Variants in CCDC13 observed in about 807,000 individuals in gnomAD.
CCDC13 encodes the protein coiled-coil domain containing 13.
CCDC13 carries 70 observed loss-of-function variants against 87.3 expected under a neutral mutation model. The ratio of observed to expected loss-of-function variants is 0.80; its 90% confidence interval spans 0.66 to 0.98. CCDC13 has a LOEUF of 0.98. Ranked by LOEUF, CCDC13 falls within the 50% of genes least tolerant of loss-of-function variation. The pLI, the probability that CCDC13 is intolerant of heterozygous loss-of-function variation, is 0.00. For synonymous variants in CCDC13, 317 were observed against 360.3 expected, an observed-to-expected ratio of 0.88 and a Z score of 1.36; for missense variants, 842 against 892.0, an observed-to-expected ratio of 0.94 and a Z score of 0.71.
rs772881595 is a variant in CCDC13, at chr3:42,707,390, T to G, written c.*1590A>C. 1.5e-4 allele frequency among the ~76,000 whole-genome samples: 23 copies of G among 152,144 alleles called. No individual in the cohort carries two copies. Among genetic ancestry groups the G allele is most frequent in the Non-Finnish European group, 3.2e-4 (22 of 68,026 alleles). ...GAATCATCAGTTCATCCCGGTGGCC[T>G]TTGCTCTAACTTGCTGTGGGATCTC... On this transcript the variant is annotated 3_prime_UTR_variant, in exon 16 of 16. Coordinates refer to ENST00000310232, the MANE Select transcript of CCDC13 (RefSeq NM_144719.4).
intron 13 of CCDC13, among the ~76,000 whole-genome samples, chr3:42,717,524 T>C (rs1698461332): frequency 6.6e-6 from 1 of 152,058 alleles, no homozygotes; most frequent in African/African-American, 2.4e-5. Context: ...CTGTTTGTGG[T>C]TATGAAAAAG....
At position 42,733,508 on chromosome 3, in the gene CCDC13, G is replaced by A. The variant is rs1383742784; in HGVS notation, c.1473C>T (p.Ala491=). 1.2e-6 allele frequency: 2 copies of A among 1,614,088 alleles called. No individual in the cohort carries two copies. The highest frequency in any genetic ancestry group is 1.3e-5 in the African/African-American group (1 of 75,012). The change falls in exon 11 of 16, where the codon GCC becomes GCT. Residue 491 remains alanine, a synonymous_variant. Coordinates refer to ENST00000310232, the MANE Select transcript of CCDC13 (RefSeq NM_144719.4). ...GCCTGCCAACATGATCGCCTGCTGA[G>A]GCCGGGGACTTGGTCAGGCCTGGGT... ...LEDPGLTKSP[A]SAGDHVGRLG... is the part of the protein sequence containing the mutation.
chr3:42,730,395 A>C, intron 13 of CCDC13, 72 bp downstream of exon 13: 1 of 1,571,054 alleles, frequency 6.4e-7, no homozygotes, highest in Non-Finnish European at 8.7e-7. Flanking sequence ...GGACCCAGTC[A>C]TAAATGAGGC....
intron 13 of CCDC13, among the ~76,000 whole-genome samples, chr3:42,716,676 A>G (rs1365739218): frequency 6.6e-6 from 1 of 152,238 alleles, no homozygotes; most frequent in Admixed American, 6.5e-5. Context: ...ATTATTGAAA[A>G]AAAGGAAAAT....
Position 42,708,382 on chromosome 3 carries a change from T to G in CCDC13, c.*598A>C, listed in dbSNP as rs752868285. The stretch of plus-strand genomic sequence containing the variant: ...CAGTAGATGCTCACTCACTGGGAGC[T>G]GCAGTGATTATGAAAATACTTATTA... On this transcript the variant is annotated 3_prime_UTR_variant, in exon 16 of 16. Transcript: ENST00000310232. The G allele has an allele frequency of 6.6e-6, 1 of 152,200 alleles. No homozygotes were observed. Among genetic ancestry groups the G allele is most frequent in the Admixed American group, 6.5e-5 (1 of 15,276 alleles). The allele number at this position is 152,200 out of a possible 1,614,324, so 9.4% of individuals were successfully genotyped here.
At chr3:42,730,197 G>A (rs1393592925) in intron 13 of CCDC13, among the ~76,000 whole-genome samples, 1 of 152,030 alleles carries the variant, frequency 6.6e-6, no homozygotes, top group African/African-American at 2.4e-5. Flanking sequence ...TTACTTCTGG[G>A]TGTCTCTCCC....
intron 13 of CCDC13, among the ~76,000 whole-genome samples, chr3:42,722,486 A>T (rs1698586497): frequency 6.6e-6 from 1 of 152,206 alleles, no homozygotes; most frequent in Non-Finnish European, 1.5e-5. Context: ...TTGGCACAAA[A>T]TACAGGTCAT....
At chr3:42,770,029 A>C (rs7614158) in intron 1 of CCDC13, among the ~76,000 whole-genome samples, 145,292 of 152,220 alleles carry the variant, frequency 0.95, 69,722 homozygotes, top group East Asian at 1. Context: ...TCCCATCAAA[A>C]GCCCAAGGGC....
In CCDC13 at chr3:42,730,644, A is replaced by T. The variant is rs532752386; in HGVS notation, c.1596-55T>A. 6.1e-5 allele frequency: 98 copies of T among 1,598,308 alleles called. 1 individual carries two copies. The South Asian group carries it at 1.0e-3, about 17-fold the overall frequency. ...AGGTCATCCGAGGCCTAGAAATAAC[A>T]CTTACCCCTGTGATGGTTGGAGGGA... is the stretch of plus-strand genomic sequence containing the variant. On this transcript the variant is annotated intron_variant, in intron 12 of 15. Transcript: ENST00000310232.
intron 13 of CCDC13, among the ~76,000 whole-genome samples, chr3:42,717,070 G>T (rs1246506188): frequency 6.6e-6 from 1 of 152,172 alleles, no homozygotes; most frequent in Non-Finnish European, 1.5e-5. Flanking sequence ...AGCCAGACAC[G>T]AAAGGGTAAA....
rs769786833 is a variant in CCDC13, at chr3:42,745,957, C to T, written c.791G>A (p.Gly264Asp). 1.9e-6 allele frequency: 3 copies of T among 1,614,000 alleles called. No homozygotes were observed. The highest frequency in any genetic ancestry group is 4.5e-5 in the East Asian group (2 of 44,892). Residue 264 changes from glycine (G) to aspartate (D), a missense_variant, in exon 7 of 16, where the codon GGT (glycine) becomes GAT (aspartate). Transcript: ENST00000310232. Reference protein sequence around the residue: ...QLLSSPGTWRGRAQQILVLQS... With the variant: ...QLLSSPGTWRDRAQQILVLQS... ...CAAAACAAGAATTTGTTGAGCCCGA[C>T]CCCTCCAGGTCCCTGGCGAAGATAG...
At chr3:42,743,982 C>T (rs1280885301) in intron 7 of CCDC13, among the ~76,000 whole-genome samples, 1 of 152,130 alleles carries the variant, frequency 6.6e-6, no homozygotes, top group Non-Finnish European at 1.5e-5. Context: ...AGTAACACTG[C>T]CCTGCGTAAC....
intron 1 of CCDC13, among the ~76,000 whole-genome samples, chr3:42,770,008 GCAGCACCTGGTCCCATCAAAAGCCCA>G (rs2125916847): frequency 6.6e-6 from 1 of 152,334 alleles, no homozygotes. Context: ...CCCCTGCTCC[GCAGCACCTGGTCCCATCAAAAGCCCA>G]AGGGCTGAGG....
chr3:42,729,867 T>A (rs1377517868), intron 13 of CCDC13, among the ~76,000 whole-genome samples: 1 of 152,248 alleles, frequency 6.6e-6, no homozygotes, highest in Non-Finnish European at 1.5e-5. Flanking sequence ...TATTTTTCAG[T>A]GTGGAGGTCA....
intron 1 of CCDC13, among the ~76,000 whole-genome samples, chr3:42,767,123 G>C (rs1699947300): frequency 6.6e-6 from 1 of 151,910 alleles, no homozygotes; most frequent in African/African-American, 2.4e-5. Flanking sequence ...AATTGCCTTG[G>C]TTGCAGATGA....
chr3:42,768,972 G>A (rs778003792), intron 1 of CCDC13, among the ~76,000 whole-genome samples: 7 of 151,560 alleles, frequency 4.6e-5, no homozygotes, highest in African/African-American at 7.3e-5. Flanking sequence ...ACCCTGTGTC[G>A]ACTAAAAATA....
rs1003376615 is a variant in CCDC13 at position 42,707,966 on chromosome 3, G to T, written c.*1014C>A. On this transcript the variant is annotated 3_prime_UTR_variant, in exon 16 of 16. Transcript: ENST00000310232. ...AACACTGACAGTCATAGAGGCCTGC[G>T]GATCTTAGGGTGCCCCTGCAGCATC... Among the ~76,000 whole-genome samples, 7 of 152,142 alleles carry T rather than the reference G, an allele frequency of 4.6e-5. No homozygotes were observed. The highest frequency in any genetic ancestry group is 1.7e-4 in the African/African-American group (7 of 41,410).
At chr3:42,760,594 G>A (rs1021733270) in intron 1 of CCDC13, among the ~76,000 whole-genome samples, 1 of 150,308 alleles carries the variant, frequency 6.7e-6, no homozygotes, top group Non-Finnish European at 1.5e-5. Context: ...TCCAGCCTGG[G>A]CGAGGTTGCA....
At chr3:42,763,406 G>A (rs1699873194) in intron 1 of CCDC13, among the ~76,000 whole-genome samples, 1 of 151,766 alleles carries the variant, frequency 6.6e-6, no homozygotes, top group Admixed American at 6.6e-5. Context: ...GTTAGGATTT[G>A]AATTTGTTGC....
Sources: gnomAD v4.1 joint callset for allele counts (sites outside exome capture counted in the v4.1 genomes callset) on GRCh38, gnomAD v4.1.1 for gene constraint, MANE v1.5 for transcripts, NCBI Gene and HGNC (gene_info 2026-07-23, HGNC 2026-07-21) for gene names.